Variants in FYTTD1 observed in about 807,000 individuals in gnomAD.
FYTTD1 encodes UAP56-interacting factor.
A neutral mutation model predicts 40.9 loss-of-function variants in FYTTD1; 22 were observed. The ratio of observed to expected loss-of-function variants is 0.54; its 90% CI spans 0.38 to 0.77. The LOEUF is 0.77. Among genes scored for constraint, FYTTD1 ranks in the 30% least tolerant of loss-of-function variants. The pLI, the probability that FYTTD1 is intolerant of heterozygous loss-of-function variation, is 0.00. For synonymous variants in FYTTD1, 140 were observed against 137.9 expected (o/e 1.01, Z -0.10); for missense variants, 351 against 392.2 (o/e 0.90, Z 0.89).
rs762505629 is a variant in FYTTD1, at chr3:197,756,478, A to G, written c.156A>G (p.Arg52=). ...RKEGKKQNFP[R]LNRRLLQQSG... The stretch of plus-strand genomic sequence containing the variant: ...AAGGGAAGAAGCAGAATTTTCCAAG[A>G]CTAAATAGAAGACTCCTCCAGCAAA... The change falls in exon 2 of 9, where the codon AGA becomes AGG. Residue 52 remains arginine, a synonymous_variant. Transcript: ENST00000241502. 1 of 1,611,516 alleles carries G rather than the reference A, an allele frequency of 6.2e-7. No individual in the cohort carries two copies. The highest frequency in any genetic ancestry group is 1.1e-5 in the South Asian group (1 of 91,034).
At chr3:197,777,741 G>A (rs760272483) in intron 7 of FYTTD1, among the ~76,000 whole-genome samples, 6 of 151,858 alleles carry the variant, frequency 4.0e-5, no homozygotes, top group African/African-American at 9.7e-5. Flanking sequence ...AAGAGATAAC[G>A]TCTCACTCTG....
At position 197,777,016 on chromosome 3, in the gene FYTTD1, T is replaced by C. The variant is rs763488452; in HGVS notation, c.731+15T>C. The C allele has an allele frequency of 5.9e-6, 9 of 1,538,420 alleles. No individual in the cohort carries two copies. The highest frequency in any genetic ancestry group is 2.3e-5 in the South Asian group (2 of 86,512). ...CAATGCCCAGTGTAAGTTGTTTCTT[T>C]CTTTTTGCAAAAATTATAACCTCTC... On this transcript the variant is annotated intron_variant, in intron 7 of 8. Transcript: ENST00000241502.
At chr3:197,755,708 G>C (rs186950926) in intron 1 of FYTTD1, 2 of 990,880 alleles carry the variant, frequency 2.0e-6, no homozygotes, top group African/African-American at 1.7e-5. Flanking sequence ...GGCCAGTCCC[G>C]AACTCCTGAC....
chr3:197,769,741 T>A (rs1202533981), intron 3 of FYTTD1, among the ~76,000 whole-genome samples: 1 of 152,186 alleles, frequency 6.6e-6, no homozygotes, highest in African/African-American at 2.4e-5. Flanking sequence ...TCAAAAATCA[T>A]GTTTATAGAA....
chr3:197,755,786 C>T, intron 1 of FYTTD1: 1 of 1,550,600 alleles, frequency 6.4e-7, no homozygotes, highest in Non-Finnish European at 8.7e-7. Flanking sequence ...CCATGCCTGG[C>T]CGGAAGGGGG....
At chr3:197,773,620 C>T (rs1214428870) in intron 5 of FYTTD1, 121 bp downstream of exon 5, 20 of 600,218 alleles carry the variant, frequency 3.3e-5, no homozygotes, top group Non-Finnish European at 4.5e-5. Flanking sequence ...ATGTGAGGCA[C>T]GTGGTAGTAG....
chr3:197,779,213 G>A (rs1352711908), intron 8 of FYTTD1, among the ~76,000 whole-genome samples: 1 of 152,096 alleles, frequency 6.6e-6, no homozygotes, highest in East Asian at 1.9e-4. Flanking sequence ...TCAGGAGTTC[G>A]AGACCAGCCT....
intron 1 of FYTTD1, among the ~76,000 whole-genome samples, chr3:197,753,503 A>C (rs1729126353): frequency 6.6e-6 from 1 of 152,032 alleles, no homozygotes; most frequent in Non-Finnish European, 1.5e-5. Flanking sequence ...CTATGGAAGA[A>C]ACTTAAAATA....
At chr3:197,754,770 T>G (rs1560491817) in intron 1 of FYTTD1, among the ~76,000 whole-genome samples, 1 of 151,288 alleles carries the variant, frequency 6.6e-6, no homozygotes, top group Non-Finnish European at 1.5e-5. Context: ...GCTCAAGGAA[T>G]TCTCCCACCT....
At chr3:197,763,642 C>T (rs1014565066) in intron 2 of FYTTD1, 3 of 308,836 alleles carry the variant, frequency 9.7e-6, no homozygotes, top group African/African-American at 2.2e-5. Flanking sequence ...TAAAGAGGTA[C>T]TGAGACTAAA....
intron 8 of FYTTD1, among the ~76,000 whole-genome samples, chr3:197,781,131 T>G (rs923324518): frequency 6.6e-6 from 1 of 151,580 alleles, no homozygotes; most frequent in Non-Finnish European, 1.5e-5. Flanking sequence ...CTGGTCAACA[T>G]GGAAAAACCC....
intron 8 of FYTTD1, among the ~76,000 whole-genome samples, 173 bp downstream of exon 8, chr3:197,778,637 C>G (rs1560501243): frequency 6.6e-6 from 1 of 152,218 alleles, no homozygotes; most frequent in Non-Finnish European, 1.5e-5. Context: ...TCATATAAAT[C>G]AGCTCATACG....
rs1730076313 is a variant in FYTTD1, at chr3:197,783,274, G to A, written c.*1365G>A. On this transcript the variant is annotated 3_prime_UTR_variant, in exon 9 of 9. Coordinates refer to ENST00000241502, the MANE Select transcript of FYTTD1 (RefSeq NM_032288.7). ...ATTTTGAAGCTTGACATTTTAGTTT[G>A]CCATTATGTTAAAAACATCTAAATA... is the stretch of plus-strand genomic sequence containing the variant. 1 of 152,530 alleles carries A rather than the reference G, an allele frequency of 6.6e-6. No homozygotes were observed. Among genetic ancestry groups the A allele is most frequent in the South Asian group, 2.1e-4 (1 of 4,822 alleles). The allele number at this position is 152,530 out of a possible 1,614,324, so 9.4% of individuals were successfully genotyped here.
chr3:197,785,439 T>G lies in FYTTD1; in HGVS notation c.*3530T>G, dbSNP rs1730133123. On this transcript the variant is annotated 3_prime_UTR_variant, in exon 9 of 9. Transcript: ENST00000241502. Reference sequence around the variant, plus strand: ...CCATGTTGTTGAAGGGCCAACTGTTTAAGCCAATCGTAAAATACTGTGTCT... The same window carrying G: ...CCATGTTGTTGAAGGGCCAACTGTTGAAGCCAATCGTAAAATACTGTGTCT... 1 of 152,228 alleles carries G rather than the reference T, an allele frequency of 6.6e-6. No individual in the cohort carries two copies. Among genetic ancestry groups the G allele is most frequent in the Non-Finnish European group, 1.5e-5 (1 of 68,036 alleles). The allele number at this position is 152,228 out of a possible 1,614,324, so 9.4% of individuals were successfully genotyped here.
intron 2 of FYTTD1, among the ~76,000 whole-genome samples, chr3:197,763,082 A>T (rs537789202): frequency 1.3e-5 from 2 of 152,226 alleles, no homozygotes; most frequent in African/African-American, 4.8e-5. Context: ...GTTTATTATT[A>T]TTTTTTAAGT....
chr3:197,774,425 A>T (rs563369389), intron 6 of FYTTD1, among the ~76,000 whole-genome samples: 1 of 152,350 alleles, frequency 6.6e-6, no homozygotes, highest in African/African-American at 2.4e-5. Context: ...CAAGGCTGTG[A>T]AGTGCCATAA....
In FYTTD1 at chr3:197,756,421, C is replaced by CAG; in HGVS notation, c.104-4_104-3insGA. 6.3e-7 allele frequency: 1 copy of CAG among 1,597,566 alleles called. No homozygotes were observed. The highest frequency in any genetic ancestry group is 8.6e-7 in the Non-Finnish European group (1 of 1,164,988). ...TGAAAATAATTGACATTTCCTCTAT[C>CAG]ATAGATGATATCATCAAGTTGAATC... On this transcript the variant is annotated splice_region_variant and splice_polypyrimidine_tract_variant and intron_variant, in intron 1 of 8. Coordinates refer to ENST00000241502, the MANE Select transcript of FYTTD1 (RefSeq NM_032288.7).
At chr3:197,764,423 G>A (rs1397080648) in intron 2 of FYTTD1, among the ~76,000 whole-genome samples, 1 of 152,298 alleles carries the variant, frequency 6.6e-6, no homozygotes, top group Non-Finnish European at 1.5e-5. Flanking sequence ...GAAAGCAGAG[G>A]AGGAGGCGGG....
intron 8 of FYTTD1, 31 bp from the exon 9 acceptor site, chr3:197,781,777 TTTG>T: frequency 6.7e-7 from 1 of 1,490,612 alleles, no homozygotes; most frequent in Non-Finnish European, 9.3e-7. Flanking sequence ...TAATTGTTGC[TTTG>T]TTGTTGTTTT....
Sources: allele counts gnomAD v4.1 joint callset (sites outside exome capture counted in the v4.1 genomes callset), GRCh38; gene constraint gnomAD v4.1.1; transcripts MANE v1.5; gene names NCBI Gene and HGNC (gene_info 2026-07-23, HGNC 2026-07-21).